RBM47: variants seen among roughly 807,000 people sequenced by gnomAD.
The protein encoded by RBM47 is RNA-binding protein 47.
In RBM47, 21 loss-of-function variants were observed where a neutral mutation model predicts 47.1. The ratio of observed to expected loss-of-function variants is 0.45; its 90% confidence interval spans 0.32 to 0.64. RBM47 has a LOEUF of 0.64. RBM47 is among the 30% of genes least tolerant of loss of function. RBM47 has a pLI of 0.05. For synonymous variants in RBM47, 375 were observed against 361.7 expected (o/e 1.04, Z -0.42); for missense variants, 708 against 870.9 (o/e 0.81, Z 2.35).
chr4:40,466,783 G>C (rs1016816003), intron 2 of RBM47, 84 bp from the exon 3 acceptor site: 4 of 99,990 alleles, frequency 4.0e-5, no homozygotes, highest in South Asian at 9.1e-4. Context: ...GGGGGGGGGG[G>C]GCAGATCCTC....
chr4:40,581,734 A>C lies in RBM47; in HGVS notation c.-239-37228T>G, dbSNP rs538208633. ...CAGAGAGCCTTCAGGGTGTGTGTGA[A>C]GAGAGGCTGCAGCCCAGGTGTATGG... On this transcript the variant is annotated intron_variant, in intron 1 of 6. Transcript: ENST00000295971. Among the ~76,000 whole-genome samples the C allele has an allele frequency of 4.2e-3, 364 of 87,518 alleles. 1 individual carries two copies. Among genetic ancestry groups the C allele is most frequent in the Non-Finnish European group, 4.8e-3 (188 of 38,778 alleles). 57.4% of individuals were successfully genotyped at this position (87,518 alleles called of 152,430 possible). A position where few individuals can be genotyped will look rare whatever the true frequency, so the allele number is the denominator to read the frequency against.
chr4:40,424,490 G>A lies in RBM47; in HGVS notation c.*1414C>T, dbSNP rs1001658732. 9 of 152,426 alleles carry A rather than the reference G, an allele frequency of 5.9e-5. No individual in the cohort carries two copies. Among genetic ancestry groups the A allele is most frequent in the African/African-American group, 1.7e-4 (7 of 41,380 alleles). 9.4% of individuals were successfully genotyped at this position (152,426 alleles called of 1,614,324 possible). A position where few individuals can be genotyped will look rare whatever the true frequency, so the allele number is the denominator to read the frequency against. On this transcript the variant is annotated 3_prime_UTR_variant, in exon 7 of 7. Coordinates refer to ENST00000295971, the MANE Select transcript of RBM47 (RefSeq NM_001098634.2). ...TTTTTAATAACATTGAAATAAAATGGTTTCATTTTGCATTAAACTACATAC... is the reference window on the plus strand; with the variant it reads ...TTTTTAATAACATTGAAATAAAATGATTTCATTTTGCATTAAACTACATAC...
At chr4:40,458,114 G>C (rs763609341) in intron 3 of RBM47, among the ~76,000 whole-genome samples, 11 of 152,102 alleles carry the variant, frequency 7.2e-5, no homozygotes, top group Admixed American at 3.9e-4. Flanking sequence ...GTAACAGTAT[G>C]GTCTATTATT....
intron 1 of RBM47, among the ~76,000 whole-genome samples, chr4:40,588,619 C>T (rs1164009345): frequency 6.6e-6 from 1 of 152,172 alleles, no homozygotes; most frequent in African/African-American, 2.4e-5. Flanking sequence ...CCAGCACACA[C>T]ATTTATTTTA....
intron 1 of RBM47, among the ~76,000 whole-genome samples, chr4:40,596,323 AAGAC>A (rs1472696046): frequency 1.3e-5 from 2 of 152,184 alleles, no homozygotes; most frequent in Non-Finnish European, 1.5e-5. Context: ...GCAAGAGAAA[AAGAC>A]AGGAGAATTC....
At chr4:40,571,762 G>A (rs964718059) in intron 1 of RBM47, among the ~76,000 whole-genome samples, 42 of 152,074 alleles carry the variant, frequency 2.8e-4, no homozygotes, top group Admixed American at 5.9e-4. Flanking sequence ...GCTCACGCCT[G>A]TAATCCTAGT....
intron 1 of RBM47, among the ~76,000 whole-genome samples, chr4:40,586,035 G>A (rs1733544929): frequency 6.6e-6 from 1 of 152,188 alleles, no homozygotes; most frequent in African/African-American, 2.4e-5. Context: ...CTCAGCCCGA[G>A]TGTTACTAAA....
intron 1 of RBM47, among the ~76,000 whole-genome samples, chr4:40,546,091 G>A (rs1729015656): frequency 6.6e-6 from 1 of 152,048 alleles, no homozygotes; most frequent in Non-Finnish European, 1.5e-5. Context: ...CTCTACAGCT[G>A]GCTTTTCTGC....
intron 2 of RBM47, among the ~76,000 whole-genome samples, chr4:40,520,656 A>G (rs1331740640): frequency 6.6e-6 from 1 of 152,214 alleles, no homozygotes; most frequent in African/African-American, 2.4e-5. Flanking sequence ...AAGGTTTAGG[A>G]ATGCCCATGA....
At chr4:40,567,347 T>C (rs903761010) in intron 1 of RBM47, among the ~76,000 whole-genome samples, 8 of 152,102 alleles carry the variant, frequency 5.3e-5, no homozygotes, top group African/African-American at 1.9e-4. Flanking sequence ...TATGTGCCTA[T>C]TACTGCACAT....
intron 3 of RBM47, among the ~76,000 whole-genome samples, chr4:40,445,530 C>T (rs897001083): frequency 2.0e-5 from 3 of 152,208 alleles, no homozygotes; most frequent in African/African-American, 7.2e-5. Flanking sequence ...GTGCCAGATA[C>T]TGTGCTAGCT....
intron 2 of RBM47, among the ~76,000 whole-genome samples, chr4:40,497,617 A>T (rs925410165): frequency 1.4e-4 from 21 of 151,948 alleles, no homozygotes; most frequent in African/African-American, 4.1e-4. Flanking sequence ...TTTTTAAAAA[A>T]TTTTAAATAA....
intron 1 of RBM47, among the ~76,000 whole-genome samples, chr4:40,618,620 C>T (rs1736959307): frequency 6.6e-6 from 1 of 151,064 alleles, no homozygotes; most frequent in Non-Finnish European, 1.5e-5. Flanking sequence ...ACCAGCCTGA[C>T]CAACATGGTG....
rs146816013 is a variant in RBM47, at chr4:40,471,366, A to G, written c.-154-4667T>C. Reference sequence around the variant, plus strand: ...CTATCCACTCAGGCCTGCTGCAATCAATCTAGGTCTCCTTACAGGCAAAGG... The same window carrying G: ...CTATCCACTCAGGCCTGCTGCAATCGATCTAGGTCTCCTTACAGGCAAAGG... On this transcript the variant is annotated intron_variant, in intron 2 of 6. Transcript: ENST00000295971. 6.9e-3 allele frequency among the ~76,000 whole-genome samples: 1,046 copies of G among 152,176 alleles called. 17 individuals carry two copies. The highest frequency in any genetic ancestry group is 0.023 in the African/African-American group (970 of 41,528).
At chr4:40,614,721 C>T (rs932266057) in intron 1 of RBM47, among the ~76,000 whole-genome samples, 3 of 151,864 alleles carry the variant, frequency 2.0e-5, no homozygotes, top group Non-Finnish European at 2.9e-5. Flanking sequence ...GTCCCAGCTA[C>T]TGAGGAGGCT....
intron 3 of RBM47, among the ~76,000 whole-genome samples, chr4:40,443,629 A>T (rs1215701062): frequency 6.8e-6 from 1 of 146,316 alleles, no homozygotes; most frequent in Non-Finnish European, 1.5e-5. Flanking sequence ...AGGCAGGAGA[A>T]TCCCTTGAAC....
At chr4:40,488,800 T>C (rs1021608573) in intron 2 of RBM47, among the ~76,000 whole-genome samples, 1 of 152,198 alleles carries the variant, frequency 6.6e-6, no homozygotes, top group Non-Finnish European at 1.5e-5. Flanking sequence ...TTAGAATAGT[T>C]AATCTTTATT....
chr4:40,532,453 C>A (rs760128725), intron 2 of RBM47, among the ~76,000 whole-genome samples: 3 of 150,948 alleles, frequency 2.0e-5, no homozygotes, highest in Admixed American at 6.6e-5. Context: ...GCTGGGACTA[C>A]AGGCATGTGC....
At chr4:40,576,238 CTGTTTT>C (rs1732298209) in intron 1 of RBM47, among the ~76,000 whole-genome samples, 2 of 102,956 alleles carry the variant, frequency 1.9e-5, no homozygotes, top group South Asian at 3.0e-4. Context: ...TTTCTCTTTT[CTGTTTT>C]TTTTTTTTTT....
Sources: gnomAD v4.1 joint callset for allele counts (sites outside exome capture counted in the v4.1 genomes callset) on GRCh38, gnomAD v4.1.1 for gene constraint, MANE v1.5 for transcripts, NCBI Gene and HGNC (gene_info 2026-07-23, HGNC 2026-07-21) for gene names.